Variants in FAM120B observed in about 807,000 individuals in gnomAD.
The protein encoded by FAM120B is family with sequence similarity 120 member B.
Under a neutral mutation model 96.3 loss-of-function variants are expected in FAM120B, and 83 were observed. The observed-to-expected ratio is 0.86, with a 90% confidence interval of 0.72 to 1.03. The LOEUF (loss-of-function observed/expected upper bound fraction) is 1.03. Among genes scored for constraint, FAM120B ranks in the 50% least tolerant of loss-of-function variants. The pLI, the probability that FAM120B is intolerant of heterozygous loss-of-function variation, is 0.00. For missense variants in FAM120B, 1,027 were observed against 1,121.2 expected (o/e 0.92, Z 1.20); for synonymous variants, 407 against 402.7 (o/e 1.01, Z -0.13).
intron 1 of FAM120B, among the ~76,000 whole-genome samples, chr6:170,317,153 T>G (rs1379718573): frequency 1.3e-5 from 2 of 152,260 alleles, no homozygotes; most frequent in African/African-American, 4.8e-5. Context: ...CTTGTCCTTG[T>G]GAAAGTCCAA....
chr6:170,397,748 G>A lies in FAM120B; in HGVS notation c.2692+2169G>A, dbSNP rs186741055. Among the ~76,000 whole-genome samples, 251 of 152,278 alleles carry A rather than the reference G, an allele frequency of 1.6e-3. 4 individuals carry two copies. The highest frequency in any genetic ancestry group is 4.4e-3 in the Admixed American group (67 of 15,306). ...TCATCCATCCACACCTTCCCACCCTGGAGATCCGTGACCAGCCTGGCCGTA... is the reference window on the plus strand; with the variant it reads ...TCATCCATCCACACCTTCCCACCCTAGAGATCCGTGACCAGCCTGGCCGTA... On this transcript the variant is annotated intron_variant, in intron 9 of 10. Transcript: ENST00000476287.
chr6:170,384,626 CCAGATGCAT>C, intron 6 of FAM120B, among the ~76,000 whole-genome samples: 1 of 152,282 alleles, frequency 6.6e-6, no homozygotes, highest in East Asian at 1.9e-4. Flanking sequence ...TGCACAGTTT[CCAGATGCAT>C]CAGATGAAAA....
At chr6:170,382,130 C>G (rs1274257038) in intron 6 of FAM120B, among the ~76,000 whole-genome samples, 1 of 152,068 alleles carries the variant, frequency 6.6e-6, no homozygotes, top group African/African-American at 2.4e-5. Flanking sequence ...ACAAAAAAAA[C>G]TAGAGCTAGG....
intron 6 of FAM120B, among the ~76,000 whole-genome samples, chr6:170,384,704 C>T (rs1790095958): frequency 6.6e-6 from 1 of 152,214 alleles, no homozygotes; most frequent in Admixed American, 6.5e-5. Flanking sequence ...CGTGTGAGCA[C>T]AGGGGTCCAC....
At chr6:170,389,996 CT>C (rs1338542278) in intron 7 of FAM120B, among the ~76,000 whole-genome samples, 1 of 152,242 alleles carries the variant, frequency 6.6e-6, no homozygotes, top group Non-Finnish European at 1.5e-5. Context: ...GTTGGGGACG[CT>C]GGCTGCTGTC....
Position 170,354,542 on chromosome 6 carries a change from CA to C in FAM120B, c.2191-3681del, listed in dbSNP as rs537429306. ...ACAGAGGTCTAATATCCAGAGTCTA[CA>C]AAGAACTTAAACAGATTTACAAGAA... is the stretch of plus-strand genomic sequence containing the variant. On this transcript the variant is annotated intron_variant, in intron 5 of 10. Coordinates refer to ENST00000476287, the MANE Select transcript of FAM120B (RefSeq NM_032448.3). Among the ~76,000 whole-genome samples the C allele has an allele frequency of 2.0e-5, 3 of 152,124 alleles. No homozygotes were observed. The South Asian group carries it at 6.2e-4, about 32-fold the overall frequency.
intron 4 of FAM120B, among the ~76,000 whole-genome samples, chr6:170,336,576 A>G (rs181312391): frequency 1.5e-3 from 223 of 152,286 alleles, no homozygotes; most frequent in Non-Finnish European, 1.4e-3. Flanking sequence ...AAGAAAGTCA[A>G]TGTTAGCTTG....
chr6:170,360,933 C>A (rs1208226506), intron 6 of FAM120B, among the ~76,000 whole-genome samples: 4 of 151,920 alleles, frequency 2.6e-5, no homozygotes, highest in Non-Finnish European at 2.9e-5. Flanking sequence ...GGTCCAGGTG[C>A]AGCCTCCCCA....
chr6:170,293,977 G>T (rs1415284409), upstream of FAM120B, among the ~76,000 whole-genome samples: 2 of 152,154 alleles, frequency 1.3e-5, no homozygotes, highest in Non-Finnish European at 2.9e-5. Context: ...GACAAGGGGA[G>T]CCCTTAGGGA....
At chr6:170,295,006 A>G (rs1200052629), upstream of FAM120B, among the ~76,000 whole-genome samples, 1 of 152,224 alleles carries the variant, frequency 6.6e-6, no homozygotes, top group Non-Finnish European at 1.5e-5. The surrounding 1 kb of genome is among the most constrained non-coding windows in gnomAD (Gnocchi z 7.8). Context: ...GACGTAGACC[A>G]TGCTTATTAA....
At chr6:170,316,495 C>T (rs1357637096) in intron 1 of FAM120B, among the ~76,000 whole-genome samples, 7 of 152,194 alleles carry the variant, frequency 4.6e-5, no homozygotes, top group Non-Finnish European at 1.0e-4. Context: ...ACTTGAAGAA[C>T]GCCTTTTATA....
intron 8 of FAM120B, among the ~76,000 whole-genome samples, chr6:170,393,335 A>G (rs748269235): frequency 2.6e-5 from 4 of 152,252 alleles, no homozygotes; most frequent in South Asian, 2.1e-4. Context: ...TTCAGAGGCC[A>G]TGAGGTCCTG....
At chr6:170,326,787 G>T (rs915406533) in intron 3 of FAM120B, among the ~76,000 whole-genome samples, 1 of 152,140 alleles carries the variant, frequency 6.6e-6, no homozygotes, top group East Asian at 1.9e-4. Context: ...TGCCCAGGCT[G>T]GAGTGCAGTG....
rs193263507 is a variant in FAM120B, at chr6:170,394,179, G to A, written c.2600-1308G>A. ...TCACGGCAGGAAGGTGGGTCTTGGGGGACTTTCAGTAGCTAGACTGGGGTA... is the reference window on the plus strand; with the variant it reads ...TCACGGCAGGAAGGTGGGTCTTGGGAGACTTTCAGTAGCTAGACTGGGGTA... On this transcript the variant is annotated intron_variant, in intron 8 of 10. Transcript: ENST00000476287. Among the ~76,000 whole-genome samples the A allele has an allele frequency of 5.9e-5, 9 of 152,324 alleles. No individual in the cohort carries two copies. In the East Asian group the frequency reaches 1.5e-3, roughly 26 times the overall value.
chr6:170,328,873 C>T (rs566160433), intron 3 of FAM120B, among the ~76,000 whole-genome samples: 2 of 152,316 alleles, frequency 1.3e-5, no homozygotes, highest in East Asian at 3.9e-4. Flanking sequence ...GACAGTTACT[C>T]TACCTGCTCC....
intron 8 of FAM120B, among the ~76,000 whole-genome samples, chr6:170,394,083 G>A (rs1390248136): frequency 6.6e-6 from 1 of 152,232 alleles, no homozygotes; most frequent in African/African-American, 2.4e-5. Flanking sequence ...CTGGCCAGAT[G>A]TGAGGAGCAT....
At chr6:170,361,233 TATAC>T (rs201833135) in intron 6 of FAM120B, among the ~76,000 whole-genome samples, 11,993 of 119,990 alleles carry the variant, frequency 0.1, 1,104 homozygotes, top group East Asian at 0.45. Context: ...TATATATATA[TATAC>T]ACGTATATAT....
chr6:170,342,682 C>G (rs1786914702), intron 4 of FAM120B, among the ~76,000 whole-genome samples: 1 of 152,176 alleles, frequency 6.6e-6, no homozygotes, highest in South Asian at 2.1e-4. Flanking sequence ...CTGAAAAGAC[C>G]CTGAGGCTGT....
chr6:170,333,517 CTTT>C (rs568919700), intron 4 of FAM120B, among the ~76,000 whole-genome samples: 5 of 138,188 alleles, frequency 3.6e-5, no homozygotes, highest in African/African-American at 2.6e-5. Flanking sequence ...TGAGCCTCAT[CTTT>C]TTTTTTTTTT....
Sources: allele counts gnomAD v4.1 joint callset (sites outside exome capture counted in the v4.1 genomes callset), GRCh38; gene constraint gnomAD v4.1.1; non-coding constraint Gnocchi (gnomAD v3.1); transcripts MANE v1.5; gene names NCBI Gene and HGNC (gene_info 2026-07-23, HGNC 2026-07-21).